Variants in PPARGC1A observed in about 807,000 individuals in gnomAD.
The protein encoded by PPARGC1A is PPARG coactivator 1 alpha, also known as peroxisome proliferator-activated receptor gamma coactivator 1-alpha.
Under a neutral mutation model 88.7 loss-of-function variants are expected in PPARGC1A, and 25 were observed. That is an observed-to-expected ratio of 0.28 (90% CI 0.21 to 0.39). PPARGC1A has a LOEUF of 0.39. PPARGC1A is among the 10% of genes least tolerant of loss of function. The pLI is 1.00. For missense variants in PPARGC1A, 880 were observed against 968.7 expected (o/e 0.91, Z 1.22); for synonymous variants, 363 against 355.6 (o/e 1.02, Z -0.24).
the PPARGC1A span, among the ~76,000 whole-genome samples, chr4:24,319,837 T>C: frequency 1.4e-4 from 22 of 152,356 alleles, no homozygotes; most frequent in Middle Eastern, 6.8e-3. Context: ...ATATGTTACC[T>C]TTCTCTAAAG....
At chr4:24,039,963 C>T in the PPARGC1A span, among the ~76,000 whole-genome samples, 2 of 152,152 alleles carry the variant, frequency 1.3e-5, no homozygotes, top group African/African-American at 4.8e-5. Context: ...CAATATCTAA[C>T]CAACCATTTG....
At chr4:24,232,032 A>G in the PPARGC1A span, among the ~76,000 whole-genome samples, 1 of 152,200 alleles carries the variant, frequency 6.6e-6, no homozygotes, top group Non-Finnish European at 1.5e-5. Context: ...CTGTCTTCAA[A>G]TACATAACCT....
the PPARGC1A span, among the ~76,000 whole-genome samples, chr4:24,405,895 T>G: frequency 1.2e-4 from 18 of 152,158 alleles, no homozygotes; most frequent in African/African-American, 4.3e-4. Context: ...CCTCCTTTCC[T>G]TTCTTCTTTC....
chr4:24,158,992 A>G, the PPARGC1A span, among the ~76,000 whole-genome samples: 4 of 152,288 alleles, frequency 2.6e-5, no homozygotes, highest in East Asian at 7.7e-4. Flanking sequence ...AACTGACAGC[A>G]GTTTCTTAGT....
At chr4:23,962,128 T>A in the PPARGC1A span, among the ~76,000 whole-genome samples, 1 of 152,084 alleles carries the variant, frequency 6.6e-6, no homozygotes, top group African/African-American at 2.4e-5. Context: ...TTTTTATTTT[T>A]TTTTAATAAC....
the PPARGC1A span, among the ~76,000 whole-genome samples, chr4:24,460,825 C>T: frequency 6.6e-6 from 1 of 152,144 alleles, no homozygotes; most frequent in Non-Finnish European, 1.5e-5. Flanking sequence ...TAATTTTAAT[C>T]CACAAAAAGT....
At chr4:24,356,212 A>AG in the PPARGC1A span, among the ~76,000 whole-genome samples, 1 of 151,888 alleles carries the variant, frequency 6.6e-6, no homozygotes, top group African/African-American at 2.4e-5. Flanking sequence ...AAAAAAAAAA[A>AG]AAAAAGAGAG....
the PPARGC1A span, among the ~76,000 whole-genome samples, chr4:23,946,079 A>T: frequency 1.3e-5 from 2 of 152,124 alleles, no homozygotes; most frequent in Admixed American, 6.6e-5. Flanking sequence ...TTAAGATACC[A>T]TGGTCCCAGA....
chr4:24,289,628 A>T, the PPARGC1A span, among the ~76,000 whole-genome samples: 1 of 152,176 alleles, frequency 6.6e-6, no homozygotes, highest in Non-Finnish European at 1.5e-5. Flanking sequence ...TGATTCCTCA[A>T]TATGAGGAGG....
chr4:23,995,401 G>T, the PPARGC1A span, among the ~76,000 whole-genome samples: 2 of 152,090 alleles, frequency 1.3e-5, no homozygotes, highest in Non-Finnish European at 1.5e-5. Flanking sequence ...CCAAAATATT[G>T]TCTTCTTCTA....
chr4:23,795,051 AAAAG>A lies in PPARGC1A; in HGVS notation c.*767_*770del, dbSNP rs924728215. 1.2e-4 allele frequency: 18 copies of A among 148,444 alleles called. No individual in the cohort carries two copies. The highest frequency in any genetic ancestry group is 1.8e-4 in the Non-Finnish European group (12 of 67,148). The allele number at this position is 148,444 out of a possible 1,614,324, so 9.2% of individuals were successfully genotyped here. On this transcript the variant is annotated 3_prime_UTR_variant, in exon 13 of 13. Coordinates refer to ENST00000264867, the MANE Select transcript of PPARGC1A (RefSeq NM_013261.5). The stretch of plus-strand genomic sequence containing the variant: ...CCATGGCAAAAGGAAAAAGAAAAAA[AAAAG>A]AGAGAGAGAGAGAGAGAGAGAGAGA...
the PPARGC1A span, among the ~76,000 whole-genome samples, chr4:23,912,118 T>C: frequency 5.3e-5 from 8 of 152,184 alleles, no homozygotes; most frequent in African/African-American, 1.9e-4. Context: ...AGACAGAGAA[T>C]TCCCAGTGAA....
the PPARGC1A span, among the ~76,000 whole-genome samples, chr4:23,928,760 ACAAAAAAAAC>A: frequency 4.7e-5 from 5 of 105,586 alleles, no homozygotes; most frequent in African/African-American, 2.1e-4. Context: ...CCACAAAAAA[ACAAAAAAAAC>A]AAAAAAAAAC....
chr4:24,037,521 C>T, the PPARGC1A span, among the ~76,000 whole-genome samples: 1 of 152,134 alleles, frequency 6.6e-6, no homozygotes, highest in Non-Finnish European at 1.5e-5. Flanking sequence ...TTATTTACAG[C>T]CATGCTTGTA....
the PPARGC1A span, among the ~76,000 whole-genome samples, chr4:24,386,236 G>C: frequency 1.3e-5 from 2 of 152,020 alleles, no homozygotes; most frequent in Admixed American, 1.3e-4. Context: ...TTGACAGAAT[G>C]TATCTCAAAA....
chr4:24,272,192 C>T, the PPARGC1A span, among the ~76,000 whole-genome samples: 62 of 152,284 alleles, frequency 4.1e-4, no homozygotes, highest in Non-Finnish European at 6.0e-4. Flanking sequence ...CTTTAGCTCA[C>T]GTGGGATATG....
chr4:23,995,784 C>T, the PPARGC1A span, among the ~76,000 whole-genome samples: 1 of 152,132 alleles, frequency 6.6e-6, no homozygotes, highest in Non-Finnish European at 1.5e-5. Context: ...TCCTTCCTTC[C>T]TCATCCTGAT....
the PPARGC1A span, among the ~76,000 whole-genome samples, chr4:24,393,443 G>C: frequency 7.2e-5 from 11 of 152,166 alleles, no homozygotes; most frequent in African/African-American, 1.2e-4. Flanking sequence ...TGATAACTAA[G>C]ACAAGAATAA....
At chr4:24,219,582 T>G in the PPARGC1A span, among the ~76,000 whole-genome samples, 1 of 152,320 alleles carries the variant, frequency 6.6e-6, no homozygotes, top group East Asian at 1.9e-4. Context: ...GTTGTCTCCA[T>G]TATTCTCTTA....
Sources: gnomAD v4.1 joint callset for allele counts (sites outside exome capture counted in the v4.1 genomes callset) on GRCh38, gnomAD v4.1.1 for gene constraint, MANE v1.5 for transcripts, NCBI Gene and HGNC (gene_info 2026-07-23, HGNC 2026-07-21) for gene names.